Variants in OR9Q1 observed in about 807,000 individuals in gnomAD.
OR9Q1 encodes olfactory receptor family 9 subfamily Q member 1.
For missense variants in OR9Q1, 374 were observed against 378.8 expected (o/e 0.99, Z 0.11); for synonymous variants, 153 against 148.6 (o/e 1.03, Z -0.22).
intron 1 of OR9Q1, among the ~76,000 whole-genome samples, chr11:58,050,586 A>G (rs1392877228): frequency 8.5e-6 from 1 of 118,254 alleles, no homozygotes; most frequent in Admixed American, 9.2e-5. Flanking sequence ...ACAAAAGCCA[A>G]AATTGACAAA....
intron 1 of OR9Q1, chr11:58,041,149 G>C (rs1052620010): frequency 2.0e-5 from 3 of 152,482 alleles, no homozygotes; most frequent in South Asian, 2.1e-4. Flanking sequence ...TGTGGGCCAG[G>C]GTTCTGTAGA....
At chr11:58,072,041 C>T (rs1463859880) in intron 2 of OR9Q1, among the ~76,000 whole-genome samples, 2 of 152,146 alleles carry the variant, frequency 1.3e-5, no homozygotes, top group African/African-American at 4.8e-5. Context: ...CAAAACTTCA[C>T]ATGTACAATT....
chr11:58,130,530 G>A (rs932353616), intron 2 of OR9Q1, among the ~76,000 whole-genome samples: 5 of 152,134 alleles, frequency 3.3e-5, no homozygotes, highest in African/African-American at 1.2e-4. Context: ...GGTGGCTTGT[G>A]CCTGTAATCC....
chr11:58,130,538 T>A (rs1854131479), intron 2 of OR9Q1, among the ~76,000 whole-genome samples: 1 of 152,134 alleles, frequency 6.6e-6, no homozygotes, highest in Non-Finnish European at 1.5e-5. Context: ...GTGCCTGTAA[T>A]CCCAGCACTT....
intron 2 of OR9Q1, among the ~76,000 whole-genome samples, chr11:58,095,289 G>T (rs1186508164): frequency 6.6e-6 from 1 of 152,212 alleles, no homozygotes; most frequent in Non-Finnish European, 1.5e-5. Flanking sequence ...ACAACTGGCT[G>T]GTACACCAGG....
intron 1 of OR9Q1, among the ~76,000 whole-genome samples, chr11:58,046,779 C>T (rs1349818890): frequency 2.6e-5 from 4 of 152,032 alleles, no homozygotes; most frequent in African/African-American, 9.7e-5. Flanking sequence ...AGGAGAATCA[C>T]TTGAACCTGG....
At chr11:58,105,070 G>A (rs890677429) in intron 2 of OR9Q1, among the ~76,000 whole-genome samples, 2 of 141,520 alleles carry the variant, frequency 1.4e-5, no homozygotes, top group Non-Finnish European at 3.2e-5. Context: ...CTGATGTTCT[G>A]AGAAGGTAGA....
intron 2 of OR9Q1, among the ~76,000 whole-genome samples, chr11:58,097,029 A>T (rs1196896929): frequency 1.3e-5 from 2 of 151,984 alleles, no homozygotes; most frequent in African/African-American, 4.8e-5. Flanking sequence ...TTTTGTAGAG[A>T]TGGGGGTCTC....
chr11:58,033,723 C>A (rs1241851612), intron 1 of OR9Q1, among the ~76,000 whole-genome samples: 1 of 151,666 alleles, frequency 6.6e-6, no homozygotes, highest in Non-Finnish European at 1.5e-5. Flanking sequence ...ATCCTTGTGA[C>A]AAATCTGCAC....
At chr11:58,152,994 T>A (rs911782585) in intron 2 of OR9Q1, among the ~76,000 whole-genome samples, 2 of 152,238 alleles carry the variant, frequency 1.3e-5, no homozygotes, top group African/African-American at 4.8e-5. Context: ...GTGATGCTGG[T>A]GCCTGGCACA....
At chr11:58,169,312 G>A (rs929794051) in intron 2 of OR9Q1, among the ~76,000 whole-genome samples, 5 of 152,058 alleles carry the variant, frequency 3.3e-5, no homozygotes, top group Non-Finnish European at 5.9e-5. Flanking sequence ...GAGCTCTTTG[G>A]ATCTGAAGGC....
At chr11:58,079,330 T>C (rs529020729) in intron 2 of OR9Q1, among the ~76,000 whole-genome samples, 15 of 152,272 alleles carry the variant, frequency 9.9e-5, no homozygotes, top group African/African-American at 3.6e-4. Flanking sequence ...GAAGGAGTTA[T>C]GGAATGGCTT....
chr11:58,102,307 T>C (rs374468542), intron 2 of OR9Q1, among the ~76,000 whole-genome samples: 53 of 152,278 alleles, frequency 3.5e-4, no homozygotes, highest in African/African-American at 1.3e-3. Context: ...CTTTGCAGTT[T>C]AGTGTTTTTC....
intron 1 of OR9Q1, among the ~76,000 whole-genome samples, chr11:58,046,803 C>T (rs1853221147): frequency 6.6e-6 from 1 of 151,818 alleles, no homozygotes; most frequent in Admixed American, 6.6e-5. Flanking sequence ...GCAGAGGTTG[C>T]AGTGAGCTGA....
chr11:58,114,329 G>A (rs753344630), intron 2 of OR9Q1, among the ~76,000 whole-genome samples: 8 of 152,138 alleles, frequency 5.3e-5, no homozygotes, highest in Non-Finnish European at 1.0e-4. Flanking sequence ...TGATGCTTAT[G>A]TATGAAATTG....
chr11:58,132,822 T>C (rs1854154955), intron 2 of OR9Q1, among the ~76,000 whole-genome samples: 1 of 152,158 alleles, frequency 6.6e-6, no homozygotes, highest in African/African-American at 2.4e-5. Flanking sequence ...CCTCTGGGCA[T>C]TGGAGAAGCC....
At chr11:58,034,604 G>A (rs1853077341) in intron 1 of OR9Q1, among the ~76,000 whole-genome samples, 1 of 151,832 alleles carries the variant, frequency 6.6e-6, no homozygotes, top group African/African-American at 2.4e-5. Context: ...CAGTAGTTGT[G>A]GCAGAAACCA....
chr11:58,149,105 C>T (rs1296067712), intron 2 of OR9Q1, among the ~76,000 whole-genome samples: 1 of 152,066 alleles, frequency 6.6e-6, no homozygotes, highest in Admixed American at 6.6e-5. Context: ...CAAAAAAGTG[C>T]TTTTGATCTT....
rs115313674 is a variant in OR9Q1, at chr11:58,087,507, C to T, written c.-15+31560C>T. Among the ~76,000 whole-genome samples the T allele has an allele frequency of 8.4e-3, 1,282 of 151,896 alleles. 44 individuals are homozygous for T. The highest frequency in any genetic ancestry group is 0.029 in the African/African-American group (1,203 of 41,234). ...TCTCATCATAGAGGTATTTAATAAG[C>T]TCTAAGTATATTTTGTTAAATGAAA... On this transcript the variant is annotated intron_variant, in intron 2 of 2. Transcript: ENST00000335397.
Sources: allele counts gnomAD v4.1 joint callset (sites outside exome capture counted in the v4.1 genomes callset), GRCh38; gene constraint gnomAD v4.1.1; transcripts MANE v1.5; gene names NCBI Gene and HGNC (gene_info 2026-07-23, HGNC 2026-07-21).